Variants in KANSL1L observed in about 807,000 individuals in gnomAD.
The protein encoded by KANSL1L is KAT8 regulatory NSL complex subunit 1 like.
KANSL1L carries 25 observed loss-of-function variants against 108.6 expected under a neutral mutation model. The ratio of observed to expected loss-of-function variants is 0.23; its 90% CI spans 0.17 to 0.32. The LOEUF (loss-of-function observed/expected upper bound fraction) is 0.32, where lower values mean the gene tolerates loss of function less well. Among genes scored for constraint, KANSL1L ranks in the 10% least tolerant of loss-of-function variants. The pLI is 1.00. For synonymous variants in KANSL1L, 405 were observed against 395.1 expected (o/e 1.03, Z -0.30); for missense variants, 1,137 against 1,125.7 (o/e 1.01, Z -0.14).
chr2:210,152,770 C>A (rs1187187817), intron 2 of KANSL1L: 1 of 152,168 alleles, frequency 6.6e-6, no homozygotes, highest in Non-Finnish European at 1.5e-5. Context: ...TACATGTACT[C>A]TCAACTGATA....
At chr2:210,024,771 C>T (rs755952420) in intron 13 of KANSL1L, among the ~76,000 whole-genome samples, 61 of 152,034 alleles carry the variant, frequency 4.0e-4, no homozygotes, top group Non-Finnish European at 4.6e-4. Flanking sequence ...ATTACCTAAA[C>T]TCCAGTCCCC....
At chr2:210,121,686 G>A (rs1031878080) in intron 3 of KANSL1L, among the ~76,000 whole-genome samples, 2 of 151,892 alleles carry the variant, frequency 1.3e-5, no homozygotes, top group African/African-American at 4.8e-5. Context: ...ACTTTTTGGG[G>A]GGCAAATTTT....
intron 2 of KANSL1L, among the ~76,000 whole-genome samples, chr2:210,147,466 A>G (rs2095273682): frequency 6.6e-6 from 1 of 152,246 alleles, no homozygotes; most frequent in Non-Finnish European, 1.5e-5. Context: ...AAATAAAAAT[A>G]AAAATAAAAT....
At chr2:210,083,511 C>T (rs1490189542) in intron 5 of KANSL1L, among the ~76,000 whole-genome samples, 1 of 152,140 alleles carries the variant, frequency 6.6e-6, no homozygotes, top group African/African-American at 2.4e-5. Context: ...GAATTTATTA[C>T]CTCCTTTATC....
At chr2:210,062,387 G>A (rs148545511) in intron 6 of KANSL1L, among the ~76,000 whole-genome samples, 4,206 of 152,162 alleles carry the variant, frequency 0.028, 194 homozygotes, top group African/African-American at 0.094. Flanking sequence ...GTGTGAAAAC[G>A]GATTAATACA....
chr2:210,104,871 CCAAT>C (rs1387236619), intron 3 of KANSL1L, among the ~76,000 whole-genome samples: 1 of 152,034 alleles, frequency 6.6e-6, no homozygotes, highest in African/African-American at 2.4e-5. Flanking sequence ...ACTCTCTAGG[CCAAT>C]CAAAGTTCCC....
At chr2:210,033,186 T>C (rs2094045511) in intron 8 of KANSL1L, among the ~76,000 whole-genome samples, 1 of 152,198 alleles carries the variant, frequency 6.6e-6, no homozygotes, top group South Asian at 2.1e-4. Context: ...CCAGAATCAA[T>C]ATTAAACCCT....
At chr2:210,084,563 A>G (rs1325388081) in intron 5 of KANSL1L, among the ~76,000 whole-genome samples, 1 of 152,242 alleles carries the variant, frequency 6.6e-6, no homozygotes, top group Non-Finnish European at 1.5e-5. Flanking sequence ...AAAAGACTAT[A>G]TTAAAAAGAT....
chr2:210,071,370 C>A lies in KANSL1L; in HGVS notation c.1755+4182G>T, dbSNP rs186378881. On this transcript the variant is annotated intron_variant, in intron 6 of 14. Coordinates refer to ENST00000281772, the MANE Select transcript of KANSL1L (RefSeq NM_152519.4). Reference sequence around the variant, plus strand: ...GCAACCTCCGCGTCTCAGGTTCAAGCGATTCTCATGCTTCAGCCTCCTAAG... The same window carrying A: ...GCAACCTCCGCGTCTCAGGTTCAAGAGATTCTCATGCTTCAGCCTCCTAAG... Among the ~76,000 whole-genome samples, 314 of 151,930 alleles carry A rather than the reference C, an allele frequency of 2.1e-3. 1 individual carries two copies. Among genetic ancestry groups the A allele is most frequent in the African/African-American group, 7.1e-3 (293 of 41,466 alleles).
chr2:210,075,079 TAGA>T (rs2094532963), intron 6 of KANSL1L, among the ~76,000 whole-genome samples: 1 of 152,222 alleles, frequency 6.6e-6, no homozygotes, highest in Non-Finnish European at 1.5e-5. Flanking sequence ...GCTTATGTTC[TAGA>T]AGAAGGAAAA....
In KANSL1L at chr2:210,041,062, C is replaced by T. The variant is rs925900792; in HGVS notation, c.1922-535G>A. Among the ~76,000 whole-genome samples the T allele has an allele frequency of 3.3e-5, 5 of 152,184 alleles. No individual in the cohort carries two copies. The South Asian group carries it at 1.0e-3, about 32-fold the overall frequency. On this transcript the variant is annotated intron_variant, in intron 7 of 14. Transcript: ENST00000281772. ...CAAAGTTCACATTCCCTTAATTTAC[C>T]ATATTATATATCACAATGAATATAC...
At chr2:210,090,707 A>G (rs1559548363) in intron 5 of KANSL1L, among the ~76,000 whole-genome samples, 1 of 151,844 alleles carries the variant, frequency 6.6e-6, no homozygotes, top group Non-Finnish European at 1.5e-5. Context: ...AATTTTAAAA[A>G]AATTTTGAAG....
intron 2 of KANSL1L, among the ~76,000 whole-genome samples, chr2:210,150,060 A>C (rs1010314235): frequency 6.6e-6 from 1 of 152,170 alleles, no homozygotes; most frequent in Non-Finnish European, 1.5e-5. Context: ...GGGCTTTAAT[A>C]ACCAAGGCAT....
intron 5 of KANSL1L, among the ~76,000 whole-genome samples, chr2:210,076,519 A>G (rs948739697): frequency 1.3e-5 from 2 of 152,142 alleles, no homozygotes; most frequent in African/African-American, 4.8e-5. Flanking sequence ...CTACATATTA[A>G]TAACATTTCA....
chr2:210,172,003 A>AG (rs1470141746), upstream of KANSL1L, among the ~76,000 whole-genome samples: 1 of 151,416 alleles, frequency 6.6e-6, no homozygotes, highest in African/African-American at 2.4e-5. Flanking sequence ...ATTAAAAAAA[A>AG]AAAAACAGAC....
At chr2:210,095,017 G>A (rs1488290514) in intron 5 of KANSL1L, among the ~76,000 whole-genome samples, 1 of 151,936 alleles carries the variant, frequency 6.6e-6, no homozygotes, top group East Asian at 1.9e-4. Flanking sequence ...AATCACCTCA[G>A]ATTAACTAGT....
intron 6 of KANSL1L, among the ~76,000 whole-genome samples, chr2:210,063,370 C>T (rs760292394): frequency 6.6e-6 from 1 of 152,266 alleles, no homozygotes; most frequent in Non-Finnish European, 1.5e-5. Flanking sequence ...CCCCCACAAA[C>T]AGCCCCTACT....
At chr2:210,053,260 C>A (rs1040996223) in intron 6 of KANSL1L, among the ~76,000 whole-genome samples, 1 of 152,164 alleles carries the variant, frequency 6.6e-6, no homozygotes, top group Non-Finnish European at 1.5e-5. Flanking sequence ...TCTTTTCAAA[C>A]TTCTCCTGAA....
chr2:210,091,017 CCTTTA>C (rs2094689034), intron 5 of KANSL1L, among the ~76,000 whole-genome samples: 1 of 152,076 alleles, frequency 6.6e-6, no homozygotes, highest in African/African-American at 2.4e-5. Context: ...TTGGTCCTTT[CCTTTA>C]GACATTTTTC....
Sources: allele counts gnomAD v4.1 joint callset (sites outside exome capture counted in the v4.1 genomes callset), GRCh38; gene constraint gnomAD v4.1.1; transcripts MANE v1.5; gene names NCBI Gene and HGNC (gene_info 2026-07-23, HGNC 2026-07-21).